MINDY4: variants seen among roughly 807,000 people sequenced by gnomAD.
The protein encoded by MINDY4 is probable ubiquitin carboxyl-terminal hydrolase MINDY-4.
A neutral mutation model predicts 87.0 loss-of-function variants in MINDY4; 68 were observed. The ratio of observed to expected loss-of-function variants is 0.78; its 90% CI spans 0.64 to 0.96. MINDY4 has a LOEUF of 0.96. Ranked by LOEUF, MINDY4 falls within the 40% of genes least tolerant of loss-of-function variation. MINDY4 has a pLI of 0.00. For synonymous variants in MINDY4, 379 were observed against 363.2 expected (o/e 1.04, Z -0.50); for missense variants, 919 against 928.2 (o/e 0.99, Z 0.13).
intron 5 of MINDY4, among the ~76,000 whole-genome samples, chr7:30,791,851 C>T (rs944671964): frequency 3.3e-5 from 5 of 151,970 alleles, no homozygotes; most frequent in Admixed American, 2.6e-4. Flanking sequence ...TCTTGTGCCA[C>T]GCATAAAATA....
At chr7:30,882,482 G>A in intron 16 of MINDY4, 121 bp downstream of exon 16, 2 of 898,828 alleles carry the variant, frequency 2.2e-6, no homozygotes, top group South Asian at 1.9e-5. Context: ...GCAGACTCCA[G>A]CATCCAGACT....
chr7:30,791,682 C>A, intron 5 of MINDY4, 108 bp downstream of exon 5: 1 of 1,220,812 alleles, frequency 8.2e-7, no homozygotes, highest in Non-Finnish European at 1.1e-6. Context: ...TCCTTGGTCT[C>A]TCAGAACAAG....
At chr7:30,814,456 A>G (rs1788092742) in intron 5 of MINDY4, among the ~76,000 whole-genome samples, 1 of 152,192 alleles carries the variant, frequency 6.6e-6, no homozygotes, top group African/African-American at 2.4e-5. Context: ...TTATCACGTC[A>G]CCATGGACCT....
Position 30,839,274 on chromosome 7 carries a change from T to C in MINDY4, c.1314T>C (p.Phe438=). The change falls in exon 8 of 18, where the codon TTT becomes TTC. Residue 438 remains phenylalanine (F), a synonymous_variant. Transcript: ENST00000265299. ...NEEWKLQSFS[F]SNTASLKYGI... Reference sequence around the variant, plus strand: ...AATGGAAACTTCAGAGTTTTTCCTTTAGTAACACAGCCTCATTAAAATACG... The same window carrying C: ...AATGGAAACTTCAGAGTTTTTCCTTCAGTAACACAGCCTCATTAAAATACG... 6.2e-7 allele frequency: 1 copy of C among 1,612,768 alleles called. No individual in the cohort carries two copies. Among genetic ancestry groups the C allele is most frequent in the East Asian group, 2.2e-5 (1 of 44,852 alleles).
At chr7:30,783,483 C>G (rs1202525481) in intron 3 of MINDY4, among the ~76,000 whole-genome samples, 1 of 152,156 alleles carries the variant, frequency 6.6e-6, no homozygotes, top group East Asian at 1.9e-4. Context: ...ATTATTGGAA[C>G]ACTAAGCATG....
At chr7:30,863,669 C>T (rs1027749379) in intron 13 of MINDY4, among the ~76,000 whole-genome samples, 2 of 152,206 alleles carry the variant, frequency 1.3e-5, no homozygotes, top group Middle Eastern at 3.4e-3. Context: ...TAAACCTAGC[C>T]GAGTGCTGCC....
chr7:30,857,467 T>G lies in MINDY4; in HGVS notation c.1678-1790T>G, dbSNP rs903134181. Among the ~76,000 whole-genome samples, 7 of 56,782 alleles carry G rather than the reference T, an allele frequency of 1.2e-4. 1 individual carries two copies. The highest frequency in any genetic ancestry group is 1.5e-3 in the African/African-American group (2 of 1,318). 37.3% of individuals were successfully genotyped at this position (56,782 alleles called of 152,430 possible). On this transcript the variant is annotated intron_variant, in intron 12 of 17. Coordinates refer to ENST00000265299, the MANE Select transcript of MINDY4 (RefSeq NM_032222.3). ...AGAGATCCATATCCACCTTGTTTTT[T>G]TTTTTTTTTTTTTTTTTTTTTTTGA... is the stretch of plus-strand genomic sequence containing the variant.
At chr7:30,800,196 C>T (rs1212717004) in intron 5 of MINDY4, among the ~76,000 whole-genome samples, 1 of 152,166 alleles carries the variant, frequency 6.6e-6, no homozygotes, top group Non-Finnish European at 1.5e-5. Flanking sequence ...TCTGCATTCA[C>T]CCAACCCCTA....
At chr7:30,889,105 C>CCTT (rs1790718134) in intron 17 of MINDY4, among the ~76,000 whole-genome samples, 1 of 152,184 alleles carries the variant, frequency 6.6e-6, no homozygotes, top group African/African-American at 2.4e-5. Context: ...TTCCTGCCTC[C>CCTT]CTTCTGCCAC....
chr7:30,793,546 C>T (rs1403916642), intron 5 of MINDY4, among the ~76,000 whole-genome samples: 2 of 151,932 alleles, frequency 1.3e-5, no homozygotes, highest in African/African-American at 4.8e-5. Flanking sequence ...TTCCTAAGTA[C>T]GTGGGACCAC....
intron 12 of MINDY4, among the ~76,000 whole-genome samples, chr7:30,855,674 G>A (rs893606259): frequency 6.6e-6 from 1 of 152,238 alleles, no homozygotes; most frequent in Non-Finnish European, 1.5e-5. Context: ...CCCTCAGCCT[G>A]TACCCCAGGG....
intron 5 of MINDY4, among the ~76,000 whole-genome samples, chr7:30,812,849 C>T (rs562306173): frequency 5.5e-4 from 83 of 152,254 alleles, no homozygotes; most frequent in African/African-American, 1.9e-3. Context: ...CCTTTGATTC[C>T]ACCCCCATCG....
At chr7:30,791,893 T>A (rs1322583241) in intron 5 of MINDY4, among the ~76,000 whole-genome samples, 2 of 151,942 alleles carry the variant, frequency 1.3e-5, no homozygotes, top group Non-Finnish European at 2.9e-5. Flanking sequence ...TAAAAAAAAA[T>A]TGCAAAAAAA....
At chr7:30,861,956 A>G (rs1302030236) in intron 13 of MINDY4, among the ~76,000 whole-genome samples, 2 of 152,382 alleles carry the variant, frequency 1.3e-5, no homozygotes, top group East Asian at 3.9e-4. Flanking sequence ...AGGAGGGACC[A>G]TGGGACCAAG....
chr7:30,818,409 G>A (rs74718264), intron 5 of MINDY4, among the ~76,000 whole-genome samples: 5,562 of 152,234 alleles, frequency 0.037, 310 homozygotes, highest in African/African-American at 0.13. Context: ...CAACTAACAC[G>A]TAGCAATTTC....
chr7:30,862,131 C>G (rs1318242600), intron 13 of MINDY4, among the ~76,000 whole-genome samples: 2 of 152,244 alleles, frequency 1.3e-5, no homozygotes, highest in Non-Finnish European at 2.9e-5. Flanking sequence ...GGGGGCTCCT[C>G]CAGTGCTCCC....
intron 17 of MINDY4, among the ~76,000 whole-genome samples, chr7:30,884,593 C>A (rs867315731): frequency 3.1e-4 from 47 of 152,334 alleles, no homozygotes; most frequent in African/African-American, 1.1e-3. Context: ...CGCAGCTTGC[C>A]TCTGGACTCC....
intron 13 of MINDY4, among the ~76,000 whole-genome samples, chr7:30,863,976 C>G (rs1413879978): frequency 1.3e-5 from 2 of 152,202 alleles, no homozygotes; most frequent in South Asian, 2.1e-4. Flanking sequence ...CAGCTCTGAA[C>G]CAGACCTGGG....
intron 5 of MINDY4, among the ~76,000 whole-genome samples, chr7:30,806,221 C>A (rs182214516): frequency 6.6e-6 from 1 of 152,124 alleles, no homozygotes; most frequent in African/African-American, 2.4e-5. Context: ...AAACTTGGCT[C>A]GCCATCTTTC....
Sources: gnomAD v4.1 joint callset for allele counts (sites outside exome capture counted in the v4.1 genomes callset) on GRCh38, gnomAD v4.1.1 for gene constraint, MANE v1.5 for transcripts, NCBI Gene and HGNC (gene_info 2026-07-23, HGNC 2026-07-21) for gene names.